LRP4: variants seen among roughly 807,000 people sequenced by gnomAD.
The protein encoded by LRP4 is low-density lipoprotein receptor-related protein 4.
In LRP4, 95 loss-of-function variants were observed where a neutral mutation model predicts 220.3. The observed-to-expected ratio is 0.43, with a 90% CI of 0.37 to 0.51. The LOEUF is 0.51. Among genes scored for constraint, LRP4 ranks in the 20% least tolerant of loss-of-function variants. The probability of loss-of-function intolerance (pLI) is 0.00; values close to 1 mark genes in which losing one functional copy is unlikely to be tolerated. For missense variants in LRP4, 1,925 were observed against 2,567.0 expected, an observed-to-expected ratio of 0.75 and a Z score of 5.40; for synonymous variants, 903 against 954.6, an observed-to-expected ratio of 0.95 and a Z score of 1.00.
At chr11:46,896,686 T>C (rs1941539546) in intron 8 of LRP4, among the ~76,000 whole-genome samples, 183 bp downstream of exon 8, 1 of 151,946 alleles carries the variant, frequency 6.6e-6, no homozygotes, top group Admixed American at 6.6e-5. Flanking sequence ...AGAATAGGAG[T>C]GGCAATTGAA....
chr11:46,890,773 T>C lies in LRP4; in HGVS notation c.1698-279A>G, dbSNP rs745501461. ...GCTACACCTAACTAATTTTTTTTTG[T>C]AGTAGAGATGAGGTCTTGCTATGTT... is the stretch of plus-strand genomic sequence containing the variant. On this transcript the variant is annotated intron_variant, in intron 13 of 37. Coordinates refer to ENST00000378623, the MANE Select transcript of LRP4 (RefSeq NM_002334.4). The surrounding 1 kb of genome is among the most constrained non-coding windows in gnomAD (Gnocchi z 5.3). 6.6e-6 allele frequency among the ~76,000 whole-genome samples: 1 copy of C among 152,020 alleles called. No individual in the cohort carries two copies. Among genetic ancestry groups the C allele is most frequent in the Non-Finnish European group, 1.5e-5 (1 of 68,008 alleles).
chr11:46,889,196 C>T (rs1592535529), intron 16 of LRP4, among the ~76,000 whole-genome samples: 2 of 152,162 alleles, frequency 1.3e-5, no homozygotes, highest in Admixed American at 1.3e-4. Flanking sequence ...CACACTCGAC[C>T]GGGCGGTATT....
chr11:46,882,049 TCA>T, intron 19 of LRP4, 146 bp from the exon 20 acceptor site: 2 of 751,598 alleles, frequency 2.7e-6, no homozygotes, highest in Non-Finnish European at 4.7e-6. Flanking sequence ...AGCTCTGGGC[TCA>T]GCACTATCTC....
intron 36 of LRP4, 108 bp downstream of exon 36, chr11:46,864,340 A>G (rs1940637153): frequency 2.3e-6 from 2 of 879,388 alleles, no homozygotes; most frequent in Admixed American, 3.4e-5. Context: ...CAACCTTGCA[A>G]TAAGGCTGGT....
chr11:46,883,999 T>C (rs1219596978), intron 18 of LRP4, 23 bp from the exon 19 acceptor site: 2 of 1,571,840 alleles, frequency 1.3e-6, no homozygotes, highest in African/African-American at 2.7e-5. Flanking sequence ...GATACAGAGA[T>C]TAATTCTAGT....
intron 21 of LRP4, 42 bp downstream of exon 21, chr11:46,879,084 G>A (rs775447445): frequency 1.2e-6 from 2 of 1,614,190 alleles, no homozygotes; most frequent in South Asian, 1.1e-5. Context: ...CTAGGGCATA[G>A]GAGGGCCACG....
At position 46,873,401 on chromosome 11, in the gene LRP4, C is replaced by T. The variant is rs1300688317; in HGVS notation, c.4422G>A (p.Arg1474=). 2 of 1,614,018 alleles carry T rather than the reference C, an allele frequency of 1.2e-6. No individual in the cohort carries two copies. The highest frequency in any genetic ancestry group is 1.7e-6 in the Non-Finnish European group (2 of 1,180,032). The change falls in exon 29 of 38, where the codon CGG becomes CGA. Residue 1474 remains arginine, a synonymous_variant. Coordinates refer to ENST00000378623, the MANE Select transcript of LRP4 (RefSeq NM_002334.4). The surrounding 1 kb of genome is among the most constrained non-coding windows in gnomAD (Gnocchi z 4.2). ...CCTTCCTGGGGAAAACAGCAATGGC[C>T]CGGGGCTCATCCAGGCTATTGTTGA... is the stretch of plus-strand genomic sequence containing the variant. ...VLINNSLDEP[R]AIAVFPRKGY...
chr11:46,871,727 C>T, intron 30 of LRP4, 94 bp from the exon 31 acceptor site: 1 of 814,436 alleles, frequency 1.2e-6, no homozygotes, highest in Middle Eastern at 2.4e-4. Context: ...CCTGAGCTGA[C>T]TGGCAGATGC....
chr11:46,898,800 A>C, intron 6 of LRP4, 104 bp downstream of exon 6: 1 of 1,605,240 alleles, frequency 6.2e-7, no homozygotes, highest in Non-Finnish European at 8.5e-7. Flanking sequence ...GAAAATCCAG[A>C]AACTCCTCTC....
Position 46,884,019 on chromosome 11 carries a change from T to C in LRP4, c.2507-43A>G, listed in dbSNP as rs757353036. ...AGAGATTAATTCTAGTCTTGTTCAT[T>C]CACCCTCTTACCTTCCATGGCCAAC... On this transcript the variant is annotated intron_variant, in intron 18 of 37. Coordinates refer to ENST00000378623, the MANE Select transcript of LRP4 (RefSeq NM_002334.4). 2.0e-6 allele frequency: 3 copies of C among 1,502,200 alleles called. No individual in the cohort carries two copies. In the East Asian group the frequency reaches 6.8e-5, roughly 34 times the overall value. 93.1% of individuals were successfully genotyped at this position (1,502,200 alleles called of 1,614,324 possible). A position where few individuals can be genotyped will look rare whatever the true frequency, so the allele number is the denominator to read the frequency against.
At chr11:46,884,061 C>A in intron 18 of LRP4, 85 bp from the exon 19 acceptor site, 1 of 1,051,550 alleles carries the variant, frequency 9.5e-7, no homozygotes, top group Non-Finnish European at 1.5e-6. Context: ...GCCTGGTATG[C>A]GCCAGCAGAG....
In LRP4 at chr11:46,875,138, C is replaced by T. The variant is rs775903308; in HGVS notation, c.3926-35G>A. 1.3e-6 allele frequency: 2 copies of T among 1,597,352 alleles called. No homozygotes were observed. The highest frequency in any genetic ancestry group is 1.7e-6 in the Non-Finnish European group (2 of 1,171,746). ...AGAAGCACAAGTATTCACACCTAGC[C>T]TGGAACATCATCTGAATCTTACAAA... On this transcript the variant is annotated intron_variant, in intron 27 of 37. Coordinates refer to ENST00000378623, the MANE Select transcript of LRP4 (RefSeq NM_002334.4). The surrounding 1 kb of genome is among the most constrained non-coding windows in gnomAD (Gnocchi z 4.5).
chr11:46,889,277 G>A (rs1269231270), intron 16 of LRP4, 134 bp downstream of exon 16: 4 of 1,241,576 alleles, frequency 3.2e-6, no homozygotes, highest in African/African-American at 1.5e-5. Flanking sequence ...AGCCTCTTAA[G>A]TTCTTCCTCT....
chr11:46,867,506 G>T (rs1376016407), intron 34 of LRP4, among the ~76,000 whole-genome samples: 1 of 152,216 alleles, frequency 6.6e-6, no homozygotes, highest in East Asian at 1.9e-4. Flanking sequence ...TTGTTGCCCA[G>T]GCTGGAGTGT....
chr11:46,897,334 C>CTTTTTTTTTTTTTTCT (rs60604776), intron 7 of LRP4, among the ~76,000 whole-genome samples: 1 of 128,084 alleles, frequency 7.8e-6, no homozygotes, highest in Non-Finnish European at 1.6e-5. Context: ...GCCTGTTTGT[C>CTTTTTTTTTTTTTTCT]TTTTTTTTTT....
At chr11:46,859,829 TTAAA>T (rs1307451449) in intron 37 of LRP4, among the ~76,000 whole-genome samples, 1 of 152,206 alleles carries the variant, frequency 6.6e-6, no homozygotes, top group East Asian at 1.9e-4. Flanking sequence ...GCAAGAGCAA[TTAAA>T]TGTACATTTA....
chr11:46,875,822 C>G lies in LRP4; in HGVS notation c.3681G>C (p.Trp1227Cys). Residue 1227 changes from tryptophan to cysteine, a missense_variant, in exon 26 of 38, where the codon TGG becomes TGC. This residue lies in a region of LRP4 where 1,244 missense variants were observed against 1,624.9 expected (regional missense o/e 0.77). Coordinates refer to ENST00000378623, the MANE Select transcript of LRP4 (RefSeq NM_002334.4). This position sits in a 1 kb window ranked among gnomAD's most constrained non-coding sequence, Gnocchi z 4.5. ...TVDKASSQLL[W>C]ADAHTERIEA... ...CTCTCACCTCGGTGTGGGCATCGGC[C>G]CATAGCAGTTGGGAGCTGGCCTTGT... 6.2e-7 allele frequency: 1 copy of G among 1,614,076 alleles called. No individual in the cohort carries two copies. Among genetic ancestry groups the G allele is most frequent in the Non-Finnish European group, 8.5e-7 (1 of 1,180,002 alleles).
At position 46,873,415 on chromosome 11, in the gene LRP4, G is replaced by A. The variant is rs372569948; in HGVS notation, c.4408C>T (p.Leu1470=). ...SCRKVLINNS[L]DEPRAIAVFP... is the part of the protein sequence containing the mutation. The stretch of plus-strand genomic sequence containing the variant: ...ACAGCAATGGCCCGGGGCTCATCCA[G>A]GCTATTGTTGATCAGTACTTTGCGG... The change falls in exon 29 of 38, where the codon CTG becomes TTG. Residue 1470 remains leucine, a synonymous_variant. Transcript: ENST00000378623. This position sits in a 1 kb window ranked among gnomAD's most constrained non-coding sequence, Gnocchi z 4.2. 9.7e-5 allele frequency: 156 copies of A among 1,614,084 alleles called. No homozygotes were observed. Among genetic ancestry groups the A allele is most frequent in the South Asian group, 2.0e-4 (18 of 91,088 alleles).
chr11:46,879,378 G>A, intron 20 of LRP4, 63 bp from the exon 21 acceptor site: 2 of 1,563,998 alleles, frequency 1.3e-6, no homozygotes, highest in Admixed American at 1.7e-5. Context: ...CAGTGGCAAA[G>A]AGCTCACTGT....
Sources: gnomAD v4.1 joint callset for allele counts (sites outside exome capture counted in the v4.1 genomes callset) on GRCh38, gnomAD v4.1.1 for gene constraint, gnomAD v4.1.1 regional missense constraint, Gnocchi (gnomAD v3.1) non-coding constraint, MANE v1.5 for transcripts, NCBI Gene and HGNC (gene_info 2026-07-23, HGNC 2026-07-21) for gene names.